The following DCTN4 variants were observed in gnomAD, a reference collection of about 807,000 sequenced individuals.
The protein encoded by DCTN4 is dynactin 4 (p62).
In DCTN4, 23 loss-of-function variants were observed where a neutral mutation model predicts 62.7. That is an observed-to-expected ratio of 0.37 (90% CI 0.26 to 0.52). The LOEUF (loss-of-function observed/expected upper bound fraction) is 0.52, where lower values mean the gene tolerates loss of function less well. Among genes scored for constraint, DCTN4 ranks in the 20% least tolerant of loss-of-function variants. The pLI is 0.92. For synonymous variants in DCTN4, 199 were observed against 202.1 expected (o/e 0.98, Z 0.13); for missense variants, 514 against 580.4 (o/e 0.89, Z 1.18).
chr5:150,749,742 T>C (rs996841035), intron 3 of DCTN4, among the ~76,000 whole-genome samples: 3 of 152,180 alleles, frequency 2.0e-5, no homozygotes, highest in African/African-American at 2.4e-5. Context: ...TTTCACTCTT[T>C]GGCACTTAAG....
chr5:150,758,384 G>C lies in DCTN4; in HGVS notation c.135+475C>G, dbSNP rs1752939443. Reference sequence around the variant, plus strand: ...TTCCCGGCTGCAGGCCTTGGCCTGAGTCAGGAACAGGGCAAGGCAGTCTGA... The same window carrying C: ...TTCCCGGCTGCAGGCCTTGGCCTGACTCAGGAACAGGGCAAGGCAGTCTGA... On this transcript the variant is annotated intron_variant, in intron 1 of 12. Transcript: ENST00000447998. 3 of 987,318 alleles carry C rather than the reference G, an allele frequency of 3.0e-6. No individual in the cohort carries two copies. In the Admixed American group the frequency reaches 1.8e-4, roughly 60 times the overall value. 61.2% of individuals were successfully genotyped at this position (987,318 alleles called of 1,614,324 possible).
chr5:150,740,592 A>G (rs1395833923), intron 4 of DCTN4, among the ~76,000 whole-genome samples: 1 of 152,186 alleles, frequency 6.6e-6, no homozygotes, highest in Non-Finnish European at 1.5e-5. Context: ...TGAAAAAGAC[A>G]CTTGCCTGCA....
At chr5:150,718,180 G>T in intron 11 of DCTN4, 96 bp downstream of exon 11, 2 of 738,302 alleles carry the variant, frequency 2.7e-6, no homozygotes, top group Non-Finnish European at 4.4e-6. Flanking sequence ...CTGACTAGAT[G>T]TGGAAAGGAG....
rs1469225196 is a variant in DCTN4, at chr5:150,746,509, C to T, written c.386-4352G>A. Reference sequence around the variant, plus strand: ...AAAAAAGAGAATTTTAGACCAATATCCTTGATGAACATTGATGCAAAAATC... The same window carrying T: ...AAAAAAGAGAATTTTAGACCAATATTCTTGATGAACATTGATGCAAAAATC... On this transcript the variant is annotated intron_variant, in intron 3 of 12. Transcript: ENST00000447998. Among the ~76,000 whole-genome samples the T allele has an allele frequency of 2.0e-5, 3 of 152,238 alleles. No individual in the cohort carries two copies. In the South Asian group the frequency reaches 6.2e-4, roughly 32 times the overall value.
In DCTN4 at chr5:150,756,411, T is replaced by A; in HGVS notation, c.206+6A>T. Reference sequence around the variant, plus strand: ...GGAAGAAAAAAAAAATCAGTCCAGGTCTTACCTATTCTTTTTTAGTTTGGC... The same window carrying A: ...GGAAGAAAAAAAAAATCAGTCCAGGACTTACCTATTCTTTTTTAGTTTGGC... On this transcript the variant is annotated splice_donor_region_variant and intron_variant, in intron 2 of 12. Transcript: ENST00000447998. 1 of 1,580,086 alleles carries A rather than the reference T, an allele frequency of 6.3e-7. No homozygotes were observed. The highest frequency in any genetic ancestry group is 8.6e-7 in the Non-Finnish European group (1 of 1,165,258).
At chr5:150,719,672 A>G in intron 10 of DCTN4, 44 bp downstream of exon 10, 1 of 1,420,644 alleles carries the variant, frequency 7.0e-7, no homozygotes, top group East Asian at 2.3e-5. Flanking sequence ...TACACACATC[A>G]TTGATCAATC....
intron 12 of DCTN4, among the ~76,000 whole-genome samples, chr5:150,712,286 C>A (rs577526734): frequency 4.6e-5 from 7 of 152,084 alleles, no homozygotes; most frequent in Non-Finnish European, 1.0e-4. Context: ...CACACCATCA[C>A]GCCCAGCTAA....
chr5:150,758,737 G>C (rs925551036), intron 1 of DCTN4, 122 bp downstream of exon 1: 14 of 1,432,214 alleles, frequency 9.8e-6, no homozygotes, highest in Non-Finnish European at 1.3e-5. Flanking sequence ...GCAAACCCGA[G>C]TGACGGAAGA....
intron 11 of DCTN4, 52 bp from the exon 12 acceptor site, chr5:150,715,714 T>C: frequency 7.1e-7 from 1 of 1,416,366 alleles, no homozygotes; most frequent in Non-Finnish European, 1.0e-6. Context: ...TGTGACAGAA[T>C]ATAGCAAAGT....
At chr5:150,727,653 G>A (rs978283938) in intron 8 of DCTN4, among the ~76,000 whole-genome samples, 5 of 151,294 alleles carry the variant, frequency 3.3e-5, no homozygotes, top group African/African-American at 1.2e-4. Flanking sequence ...GCGGGCGCCT[G>A]TAGTCCCAGC....
At chr5:150,757,912 G>A (rs1322533683) in intron 1 of DCTN4, 1 of 207,676 alleles carries the variant, frequency 4.8e-6, no homozygotes, top group Non-Finnish European at 8.4e-6. Flanking sequence ...TACTGGCTGT[G>A]TGACTTACAG....
At chr5:150,747,817 G>C (rs1468146972) in intron 3 of DCTN4, among the ~76,000 whole-genome samples, 4 of 148,642 alleles carry the variant, frequency 2.7e-5, no homozygotes, top group Non-Finnish European at 5.9e-5. Context: ...TTAAATGTTA[G>C]ACCTAAAACC....
At chr5:150,741,155 ATC>A (rs540693190) in intron 4 of DCTN4, among the ~76,000 whole-genome samples, 30 of 135,664 alleles carry the variant, frequency 2.2e-4, no homozygotes, top group African/African-American at 8.4e-4. Context: ...ACAGAGTGAG[ATC>A]CTGTCTCAAA....
chr5:150,735,777 A>C (rs1354304014), intron 4 of DCTN4, among the ~76,000 whole-genome samples: 15 of 152,224 alleles, frequency 9.9e-5, no homozygotes, highest in African/African-American at 3.6e-4. Flanking sequence ...AGATTACACT[A>C]GTTCACCAGC....
At chr5:150,749,455 T>C (rs933910052) in intron 3 of DCTN4, among the ~76,000 whole-genome samples, 10 of 152,168 alleles carry the variant, frequency 6.6e-5, no homozygotes, top group African/African-American at 2.4e-4. Context: ...TGGCAAGGGT[T>C]GTCAAGGGAT....
chr5:150,745,965 G>T (rs1760945999), intron 3 of DCTN4, among the ~76,000 whole-genome samples: 1 of 151,270 alleles, frequency 6.6e-6, no homozygotes, highest in African/African-American at 2.4e-5. Flanking sequence ...AGGAAATAGA[G>T]ACACAAAAAA....
intron 9 of DCTN4, among the ~76,000 whole-genome samples, chr5:150,722,682 T>C (rs17111302): frequency 0.14 from 20,596 of 152,196 alleles, 2,386 homozygotes; most frequent in African/African-American, 0.31. Flanking sequence ...CTCCAGATCA[T>C]ACTGGGACAC....
intron 3 of DCTN4, among the ~76,000 whole-genome samples, chr5:150,743,858 C>T (rs886115397): frequency 3.9e-5 from 6 of 152,128 alleles, no homozygotes; most frequent in African/African-American, 1.2e-4. Context: ...AGCAGAAAAA[C>T]TGGAAACTCT....
intron 8 of DCTN4, among the ~76,000 whole-genome samples, chr5:150,727,233 A>G (rs112931371): frequency 2.4e-4 from 36 of 152,244 alleles, no homozygotes; most frequent in African/African-American, 8.7e-4. Flanking sequence ...GCAATTATCA[A>G]CTGCTAAATA....
Sources: gnomAD v4.1 joint callset for allele counts (sites outside exome capture counted in the v4.1 genomes callset) on GRCh38, gnomAD v4.1.1 for gene constraint, MANE v1.5 for transcripts, NCBI Gene and HGNC (gene_info 2026-07-23, HGNC 2026-07-21) for gene names.